CNGB3: variants seen among roughly 807,000 people sequenced by gnomAD.
CNGB3 encodes cyclic nucleotide-gated channel beta-3.
Under a neutral mutation model 92.8 loss-of-function variants are expected in CNGB3, and 86 were observed. The ratio of observed to expected loss-of-function variants is 0.93; its 90% CI spans 0.78 to 1.11. CNGB3 has a LOEUF of 1.11. Among genes scored for constraint, CNGB3 ranks in the 50% least tolerant of loss-of-function variants. The pLI, the probability that CNGB3 is intolerant of heterozygous loss-of-function variation, is 0.00. For synonymous variants in CNGB3, 333 were observed against 332.7 expected (o/e 1.00, Z -0.01); for missense variants, 1,026 against 956.8 (o/e 1.07, Z -0.95).
Position 86,668,055 on chromosome 8 carries a change from G to C in CNGB3, c.607C>G (p.Arg203Gly), listed in dbSNP as rs267606739. Residue 203 changes from arginine to glycine, a missense_variant, in exon 5 of 18, where the codon CGA (arginine) becomes GGA (glycine). Arg to Gly is a moderately radical substitution (Grantham distance 125). Transcript: ENST00000320005. Reference sequence around the variant, plus strand: ...TCTATGCTGTTTGGAAGTTTAATTCGCTTTAAGTACTCTGTTAAAGGCATC... The same window carrying C: ...TCTATGCTGTTTGGAAGTTTAATTCCCTTTAAGTACTCTGTTAAAGGCATC... ...KKMPLTEYLK[R>G]IKLPNSIDSY... 1 of 1,613,758 alleles carries C rather than the reference G, an allele frequency of 6.2e-7. No individual in the cohort carries two copies. The highest frequency in any genetic ancestry group is 2.2e-5 in the East Asian group (1 of 44,866).
intron 3 of CNGB3, among the ~76,000 whole-genome samples, chr8:86,681,622 C>T (rs141159593): frequency 5.3e-4 from 81 of 152,196 alleles, no homozygotes; most frequent in African/African-American, 1.5e-3. Context: ...AGGTCACCAG[C>T]GGTGAGTGAA....
intron 3 of CNGB3, among the ~76,000 whole-genome samples, chr8:86,693,591 G>A (rs1210959408): frequency 3.3e-5 from 5 of 150,224 alleles, no homozygotes; most frequent in African/African-American, 7.3e-5. Context: ...AGGACCCTGC[G>A]GCCTTCCGCA....
chr8:86,599,994 AACCTGGTGACATGTGATG>A (rs1822256473), intron 15 of CNGB3, among the ~76,000 whole-genome samples: 1 of 152,168 alleles, frequency 6.6e-6, no homozygotes, highest in Non-Finnish European at 1.5e-5. Flanking sequence ...GACATCACGG[AACCTGGTGACATGTGATG>A]TCTCCCCTGG....
chr8:86,603,254 G>A (rs901305273), intron 15 of CNGB3, among the ~76,000 whole-genome samples: 1 of 152,126 alleles, frequency 6.6e-6, no homozygotes, highest in Admixed American at 6.5e-5. Flanking sequence ...TATAAACTCT[G>A]TTAGGGGCCA....
At chr8:86,582,103 T>C (rs1449628103) in intron 15 of CNGB3, among the ~76,000 whole-genome samples, 2 of 91,180 alleles carry the variant, frequency 2.2e-5, no homozygotes, top group Admixed American at 1.4e-4. Context: ...GATATTGGAG[T>C]TATTAGGAAA....
At chr8:86,621,146 C>A (rs1325673957) in intron 13 of CNGB3, among the ~76,000 whole-genome samples, 2 of 152,186 alleles carry the variant, frequency 1.3e-5, no homozygotes, top group Admixed American at 6.5e-5. Context: ...AGGAGATGAT[C>A]CCATAAAAGT....
At chr8:86,619,728 C>CTTTTTTT (rs71275868) in intron 13 of CNGB3, among the ~76,000 whole-genome samples, 22 of 73,392 alleles carry the variant, frequency 3.0e-4, no homozygotes, top group Middle Eastern at 0.013. Flanking sequence ...TGGTCTTGAC[C>CTTTTTTT]TTTTTTTTTT....
intron 7 of CNGB3, among the ~76,000 whole-genome samples, chr8:86,649,597 C>A (rs1292899673): frequency 6.6e-6 from 1 of 151,282 alleles, no homozygotes; most frequent in African/African-American, 2.4e-5. Context: ...GCAAGCCACA[C>A]GTGGAAGAGT....
In CNGB3 at chr8:86,726,818, G is replaced by A. The variant is rs141647031; in HGVS notation, c.212-161C>T. On this transcript the variant is annotated intron_variant, in intron 2 of 17. Coordinates refer to ENST00000320005, the MANE Select transcript of CNGB3 (RefSeq NM_019098.5). ...CTAAACAAAGTAGGACTTTATGCAGGAAGAATTAACTGGTAGACACCTTCA... is the reference window on the plus strand; with the variant it reads ...CTAAACAAAGTAGGACTTTATGCAGAAAGAATTAACTGGTAGACACCTTCA... Among the ~76,000 whole-genome samples, 5 of 152,306 alleles carry A rather than the reference G, an allele frequency of 3.3e-5. No homozygotes were observed. In the East Asian group the frequency reaches 9.6e-4, roughly 29 times the overall value.
rs182381105 is a variant in CNGB3 at position 86,695,024 on chromosome 8, C to A, written c.339-23926G>T. On this transcript the variant is annotated intron_variant, in intron 3 of 17. Transcript: ENST00000320005. ...TGGGCATCATTGAGCACTGAGTGAACGAGACTCCGTCTGCAATCCCGGCAC... is the reference window on the plus strand; with the variant it reads ...TGGGCATCATTGAGCACTGAGTGAAAGAGACTCCGTCTGCAATCCCGGCAC... Among the ~76,000 whole-genome samples, 1,325 of 152,300 alleles carry A rather than the reference C, an allele frequency of 8.7e-3. 24 individuals carry two copies. The highest frequency in any genetic ancestry group is 0.03 in the African/African-American group (1,265 of 41,560).
intron 10 of CNGB3, among the ~76,000 whole-genome samples, chr8:86,634,719 T>C (rs1823028970): frequency 6.6e-6 from 1 of 151,526 alleles, no homozygotes; most frequent in African/African-American, 2.4e-5. Flanking sequence ...CTAGTCGAGC[T>C]TTTATTTCTT....
At chr8:86,660,931 G>C (rs752457619) in intron 6 of CNGB3, 15 of 278,944 alleles carry the variant, frequency 5.4e-5, no homozygotes, top group Non-Finnish European at 8.6e-5. Context: ...CCCAGAAAAG[G>C]CCCTTCTTTC....
At chr8:86,603,975 A>T in intron 15 of CNGB3, 118 bp downstream of exon 15, 1 of 723,486 alleles carries the variant, frequency 1.4e-6, no homozygotes. Context: ...TATTTTACGA[A>T]TGCTCTCAGC....
chr8:86,649,870 G>A (rs754950356), intron 7 of CNGB3, among the ~76,000 whole-genome samples: 5 of 151,726 alleles, frequency 3.3e-5, no homozygotes, highest in Non-Finnish European at 7.4e-5. Flanking sequence ...CTCACAGAAT[G>A]GGAGGAAATA....
intron 15 of CNGB3, among the ~76,000 whole-genome samples, chr8:86,597,543 G>C (rs73271525): frequency 0.037 from 5,572 of 152,280 alleles, 324 homozygotes; most frequent in African/African-American, 0.12. Flanking sequence ...GGGAATCCAG[G>C]AAGGCCTGAA....
intron 10 of CNGB3, 84 bp from the exon 11 acceptor site, chr8:86,632,977 A>G: frequency 8.1e-7 from 1 of 1,230,726 alleles, no homozygotes; most frequent in Non-Finnish European, 1.2e-6. Context: ...GTACTATTAA[A>G]TTATAACAAA....
At chr8:86,741,827 A>G (rs1487137771) in intron 1 of CNGB3, among the ~76,000 whole-genome samples, 1 of 152,084 alleles carries the variant, frequency 6.6e-6, no homozygotes, top group Admixed American at 6.5e-5. Context: ...AGGAAAGATA[A>G]CTCTTTAAGA....
In CNGB3 at chr8:86,597,419, T is replaced by C. The variant is rs79961660; in HGVS notation, c.1781+6674A>G. Among the ~76,000 whole-genome samples the C allele has an allele frequency of 7.2e-3, 1,100 of 152,174 alleles. 8 individuals are homozygous for C. The highest frequency in any genetic ancestry group is 0.025 in the African/African-American group (1,043 of 41,508). On this transcript the variant is annotated intron_variant, in intron 15 of 17. Coordinates refer to ENST00000320005, the MANE Select transcript of CNGB3 (RefSeq NM_019098.5). ...TGCAATTTAGGAAGGAAGAAAAACA[T>C]TGAAGAAATAAATGCACTAATGCAT... is the stretch of plus-strand genomic sequence containing the variant.
chr8:86,577,570 A>G (rs75016388), intron 17 of CNGB3, among the ~76,000 whole-genome samples: 3,084 of 152,314 alleles, frequency 0.02, 101 homozygotes, highest in African/African-American at 0.071. Context: ...GGTTCAAGCC[A>G]TAATATTTTT....
Sources: gnomAD v4.1 joint callset for allele counts (sites outside exome capture counted in the v4.1 genomes callset) on GRCh38, gnomAD v4.1.1 for gene constraint, MANE v1.5 for transcripts, NCBI Gene and HGNC (gene_info 2026-07-23, HGNC 2026-07-21) for gene names.